The following STXBP5 variants were observed in gnomAD, a reference collection of about 807,000 sequenced individuals.
STXBP5 encodes the protein syntaxin-binding protein 5.
STXBP5 carries 50 observed loss-of-function variants against 152.4 expected under a neutral mutation model. The observed-to-expected ratio is 0.33, with a 90% CI of 0.26 to 0.42. STXBP5 has a LOEUF of 0.42. Among genes scored for constraint, STXBP5 ranks in the 10% least tolerant of loss-of-function variants. The probability of loss-of-function intolerance (pLI) is 1.00; values close to 1 mark genes in which losing one functional copy is unlikely to be tolerated. For synonymous variants in STXBP5, 492 were observed against 494.7 expected, an observed-to-expected ratio of 0.99 and a Z score of 0.07; for missense variants, 1,167 against 1,388.6, an observed-to-expected ratio of 0.84 and a Z score of 2.54.
Position 147,204,637 on chromosome 6 carries a change from G to A in STXBP5, c.105G>A (p.Pro35=), listed in dbSNP as rs1450796754. 3.7e-6 allele frequency: 6 copies of A among 1,610,354 alleles called. No individual in the cohort carries two copies. Among genetic ancestry groups the A allele is most frequent in the Admixed American group, 1.7e-5 (1 of 59,708 alleles). Residue 35 remains proline, a synonymous_variant, in exon 1 of 28, where the codon CCG becomes CCA. Transcript: ENST00000321680. This position sits in a 1 kb window ranked among gnomAD's most constrained non-coding sequence, Gnocchi z 4.3. ...QQQHPPGNRE[P]EIQETLQSEH... Reference sequence around the variant, plus strand: ...AGCATCCGCCTGGGAACCGGGAGCCGGAGATCCAGGAAACGCTCCAGTCCG... The same window carrying A: ...AGCATCCGCCTGGGAACCGGGAGCCAGAGATCCAGGAAACGCTCCAGTCCG...
chr6:147,358,615 A>T (rs1402006015), intron 22 of STXBP5, among the ~76,000 whole-genome samples: 1 of 151,752 alleles, frequency 6.6e-6, no homozygotes, highest in Non-Finnish European at 1.5e-5. Context: ...TAACTTCTAA[A>T]AGCCTACTGT....
intron 25 of STXBP5, among the ~76,000 whole-genome samples, chr6:147,370,219 A>G (rs747079874): frequency 2.3e-4 from 35 of 152,118 alleles, no homozygotes; most frequent in East Asian, 1.9e-4. Flanking sequence ...CAGATCAGCA[A>G]TAACTTGGAT....
chr6:147,356,900 G>A (rs888886760), intron 22 of STXBP5, among the ~76,000 whole-genome samples: 1 of 152,130 alleles, frequency 6.6e-6, no homozygotes, highest in African/African-American at 2.4e-5. Context: ...TTAGATGTAA[G>A]TAGTAGAAGC....
chr6:147,352,518 G>A (rs1461956079), intron 21 of STXBP5, among the ~76,000 whole-genome samples: 1 of 152,150 alleles, frequency 6.6e-6, no homozygotes, highest in African/African-American at 2.4e-5. Flanking sequence ...GGCTGAGGCG[G>A]GAGAATCCCT....
At chr6:147,378,867 TAAAAG>T (rs1785937635) in intron 26 of STXBP5, among the ~76,000 whole-genome samples, 1 of 152,166 alleles carries the variant, frequency 6.6e-6, no homozygotes, top group Admixed American at 6.5e-5. Context: ...ATTACTAGCT[TAAAAG>T]AACCCAAATT....
chr6:147,229,337 A>G (rs1777882081), intron 2 of STXBP5, among the ~76,000 whole-genome samples: 1 of 151,880 alleles, frequency 6.6e-6, no homozygotes, highest in Admixed American at 6.6e-5. Flanking sequence ...TCATTCATAC[A>G]AGCTAATTCT....
chr6:147,262,289 G>T lies in STXBP5; in HGVS notation c.567-1G>T. ...AATCTTACTAACTTTTTCTTTTTTA[G>T]GTCATCTAAATCTCACCCAGGACCT... On this transcript the variant is annotated splice_acceptor_variant, in intron 5 of 27. Transcript: ENST00000321680. LOFTEE classifies it high-confidence loss of function. 6 of 1,535,358 alleles carry T rather than the reference G, an allele frequency of 3.9e-6. No homozygotes were observed. Among genetic ancestry groups the T allele is most frequent in the Admixed American group, 2.2e-5 (1 of 46,274 alleles).
chr6:147,333,099 G>A (rs1172525754), intron 18 of STXBP5, among the ~76,000 whole-genome samples: 1 of 152,124 alleles, frequency 6.6e-6, no homozygotes, highest in African/African-American at 2.4e-5. Context: ...TCAATAAAGA[G>A]TACATGTATA....
intron 4 of STXBP5, among the ~76,000 whole-genome samples, chr6:147,244,973 G>C (rs1184508005): frequency 6.9e-6 from 1 of 145,966 alleles, no homozygotes; most frequent in Non-Finnish European, 1.5e-5. Flanking sequence ...TACTGCTTGA[G>C]GTTTGCTGAG....
intron 2 of STXBP5, among the ~76,000 whole-genome samples, chr6:147,225,807 G>A (rs761888322): frequency 1.3e-5 from 2 of 152,130 alleles, no homozygotes; most frequent in Non-Finnish European, 2.9e-5. Flanking sequence ...TAAGCAATAA[G>A]AGGAAATATT....
intron 2 of STXBP5, among the ~76,000 whole-genome samples, chr6:147,224,701 T>A (rs951056749): frequency 6.6e-6 from 1 of 152,190 alleles, no homozygotes; most frequent in African/African-American, 2.4e-5. Context: ...TTTATTGACT[T>A]TCATTTATCC....
chr6:147,284,923 C>T (rs965548354), intron 8 of STXBP5, among the ~76,000 whole-genome samples: 2 of 152,124 alleles, frequency 1.3e-5, no homozygotes, highest in Non-Finnish European at 2.9e-5. Flanking sequence ...AATGATAGTA[C>T]ATCAGGTGGG....
chr6:147,384,559 A>G (rs1786247608), intron 27 of STXBP5, among the ~76,000 whole-genome samples, 155 bp from the exon 28 acceptor site: 1 of 152,168 alleles, frequency 6.6e-6, no homozygotes, highest in Non-Finnish European at 1.5e-5. Flanking sequence ...CAAATAGAAT[A>G]GTTCTTACTG....
chr6:147,363,789 T>G, intron 24 of STXBP5, 85 bp downstream of exon 24: 1 of 1,504,002 alleles, frequency 6.6e-7, no homozygotes, highest in Non-Finnish European at 8.8e-7. Context: ...GAAATGCTTT[T>G]TGTGTGTGTA....
In STXBP5 at chr6:147,386,603, A is replaced by G. The variant is rs941227731; in HGVS notation, c.*1848A>G. ...TTGAATTTATAGAAAGCACCAATGAATAACATATTTCTGTTTCGTTAATGT... is the reference window on the plus strand; with the variant it reads ...TTGAATTTATAGAAAGCACCAATGAGTAACATATTTCTGTTTCGTTAATGT... On this transcript the variant is annotated 3_prime_UTR_variant, in exon 28 of 28. Transcript: ENST00000321680. The G allele has an allele frequency of 1.2e-4, 18 of 151,846 alleles. No homozygotes were observed. Among genetic ancestry groups the G allele is most frequent in the African/African-American group, 3.9e-4 (16 of 41,424 alleles). The allele number at this position is 151,846 out of a possible 1,614,324, so 9.4% of individuals were successfully genotyped here.
At position 147,339,217 on chromosome 6, in the gene STXBP5, A is replaced by G; in HGVS notation, c.2185A>G (p.Met729Val). 1 of 1,538,976 alleles carries G rather than the reference A, an allele frequency of 6.5e-7. No homozygotes were observed. The highest frequency in any genetic ancestry group is 1.2e-5 in the South Asian group (1 of 80,776). Residue 729 changes from methionine (M) to valine (V), a missense_variant, in exon 20 of 28, where the codon ATG becomes GTG. By Grantham distance (21) the Met-to-Val change is conservative. Transcript: ENST00000321680. Reference protein sequence around the residue: ...SPHNSDDEQKMNNFIEKVKTK... With the variant: ...SPHNSDDEQKVNNFIEKVKTK... ...ACACAATTCAGATGATGAACAAAAA[A>G]TGAATAATTTTATAGAAAAGGGTAT...
intron 1 of STXBP5, among the ~76,000 whole-genome samples, chr6:147,205,371 CAT>C (rs66619063): frequency 0.083 from 11,765 of 141,626 alleles, 620 homozygotes; most frequent in African/African-American, 0.15. Context: ...TAAAAGTGTG[CAT>C]ATATATATAT....
At chr6:147,265,147 C>T (rs2115358983) in intron 6 of STXBP5, among the ~76,000 whole-genome samples, 1 of 152,108 alleles carries the variant, frequency 6.6e-6, no homozygotes, top group South Asian at 2.1e-4. Flanking sequence ...AGAGAGGAAA[C>T]AAATACCATT....
intron 18 of STXBP5, among the ~76,000 whole-genome samples, chr6:147,332,004 CAT>C (rs2128391348): frequency 6.6e-6 from 1 of 152,294 alleles, no homozygotes; most frequent in East Asian, 1.9e-4. Flanking sequence ...GCACTTAAAA[CAT>C]ATCTGGCACA....
Sources: allele counts gnomAD v4.1 joint callset (sites outside exome capture counted in the v4.1 genomes callset), GRCh38; gene constraint gnomAD v4.1.1; non-coding constraint Gnocchi (gnomAD v3.1); transcripts MANE v1.5; gene names NCBI Gene and HGNC (gene_info 2026-07-23, HGNC 2026-07-21).